GOLM1: variants seen among roughly 807,000 people sequenced by gnomAD.
The protein encoded by GOLM1 is epididymis luminal protein 46.
Under a neutral mutation model 50.5 loss-of-function variants are expected in GOLM1, and 31 were observed. The ratio of observed to expected loss-of-function variants is 0.61; its 90% CI spans 0.46 to 0.83. The LOEUF is 0.83. Ranked by LOEUF, GOLM1 falls within the 40% of genes least tolerant of loss-of-function variation. The pLI is 0.00. For missense variants in GOLM1, 491 were observed against 501.3 expected, an observed-to-expected ratio of 0.98 and a Z score of 0.20; for synonymous variants, 178 against 192.8, an observed-to-expected ratio of 0.92 and a Z score of 0.64.
chr9:86,096,603 T>C (rs1329167659), intron 1 of GOLM1, among the ~76,000 whole-genome samples: 2 of 152,246 alleles, frequency 1.3e-5, no homozygotes, highest in African/African-American at 4.8e-5. Flanking sequence ...AGCTCTATAC[T>C]GAGTCAGCCT....
At chr9:86,054,050 A>G (rs1302756008) in intron 3 of GOLM1, among the ~76,000 whole-genome samples, 1 of 152,124 alleles carries the variant, frequency 6.6e-6, no homozygotes, top group Non-Finnish European at 1.5e-5. Context: ...CAGAGTCTAT[A>G]AGCTTAGGAA....
chr9:86,094,297 T>C (rs1409236655), intron 1 of GOLM1, among the ~76,000 whole-genome samples: 1 of 152,176 alleles, frequency 6.6e-6, no homozygotes, highest in African/African-American at 2.4e-5. Context: ...TAGGGTATTG[T>C]GAGGATTAAA....
chr9:86,036,668 T>C (rs1012941512), intron 6 of GOLM1, 161 bp from the exon 7 acceptor site: 12 of 672,898 alleles, frequency 1.8e-5, no homozygotes, highest in Middle Eastern at 4.1e-4. Context: ...GCCCTGGTCA[T>C]GTGGCGTAAA....
intron 9 of GOLM1, among the ~76,000 whole-genome samples, chr9:86,029,769 A>G (rs923260821): frequency 1.3e-5 from 2 of 152,226 alleles, no homozygotes; most frequent in African/African-American, 4.8e-5. Flanking sequence ...AAGAGCTGAC[A>G]AGGCACTCAT....
intron 1 of GOLM1, among the ~76,000 whole-genome samples, chr9:86,081,786 G>A (rs1834791601): frequency 6.6e-6 from 1 of 151,448 alleles, no homozygotes; most frequent in Non-Finnish European, 1.5e-5. Context: ...CTACTCAAGA[G>A]GCTGAGACAG....
intron 8 of GOLM1, chr9:86,035,058 G>A: frequency 1.0e-6 from 1 of 985,272 alleles, no homozygotes; most frequent in Non-Finnish European, 1.2e-6. Flanking sequence ...TGGGGCATGT[G>A]GCCTGCCTGC....
chr9:86,028,587 G>T (rs775667017), intron 9 of GOLM1, among the ~76,000 whole-genome samples: 1 of 152,198 alleles, frequency 6.6e-6, no homozygotes, highest in Non-Finnish European at 1.5e-5. Flanking sequence ...CTGTCCTTGC[G>T]ATAAGGCAGA....
At chr9:86,071,597 G>A (rs1834449211) in intron 3 of GOLM1, among the ~76,000 whole-genome samples, 1 of 151,914 alleles carries the variant, frequency 6.6e-6, no homozygotes, top group Non-Finnish European at 1.5e-5. Context: ...ACGCTGTGAG[G>A]TGGAGGTGGA....
chr9:86,044,350 T>A (rs1197190803), intron 5 of GOLM1, among the ~76,000 whole-genome samples: 1 of 152,206 alleles, frequency 6.6e-6, no homozygotes, highest in Non-Finnish European at 1.5e-5. Context: ...ATGTTTTCAG[T>A]TGTATGTGGT....
intron 9 of GOLM1, among the ~76,000 whole-genome samples, chr9:86,031,044 TA>T (rs763824597): frequency 3.3e-5 from 5 of 152,024 alleles, no homozygotes; most frequent in Non-Finnish European, 5.9e-5. Flanking sequence ...ACCCCGTCTC[TA>T]ATAAAAATAC....
chr9:86,045,730 T>TA (rs143903367), intron 5 of GOLM1, among the ~76,000 whole-genome samples: 1 of 151,372 alleles, frequency 6.6e-6, no homozygotes, highest in Non-Finnish European at 1.5e-5. Context: ...ATAACGCAAG[T>TA]AAAAAAATGA....
intron 4 of GOLM1, among the ~76,000 whole-genome samples, chr9:86,047,462 C>A (rs1564344927): frequency 1.3e-5 from 2 of 152,162 alleles, no homozygotes; most frequent in Non-Finnish European, 2.9e-5. Flanking sequence ...CAAAAGCACA[C>A]ACGTGACACC....
chr9:86,066,268 A>G (rs1432937122), intron 3 of GOLM1, among the ~76,000 whole-genome samples: 1 of 152,166 alleles, frequency 6.6e-6, no homozygotes, highest in Non-Finnish European at 1.5e-5. Context: ...AGCACTGTAA[A>G]CACCTCAGAG....
At chr9:86,086,491 CT>C (rs1834967292) in intron 1 of GOLM1, among the ~76,000 whole-genome samples, 1 of 152,060 alleles carries the variant, frequency 6.6e-6, no homozygotes, top group African/African-American at 2.4e-5. Context: ...TCTATTTTGG[CT>C]TTTGTTGCCA....
chr9:86,034,961 TATTC>T, intron 8 of GOLM1: 8 of 961,030 alleles, frequency 8.3e-6, no homozygotes, highest in Non-Finnish European at 9.9e-6. Flanking sequence ...ATCTACCCAA[TATTC>T]CTTCCTTCCT....
upstream of GOLM1, among the ~76,000 whole-genome samples, chr9:86,099,710 C>T (rs1286625608): frequency 6.6e-6 from 1 of 151,574 alleles, no homozygotes; most frequent in Non-Finnish European, 1.5e-5. Flanking sequence ...GGTGGCCGCC[C>T]CTCGGCGGGA....
intron 1 of GOLM1, among the ~76,000 whole-genome samples, chr9:86,082,025 CTTTTTTT>C (rs35208119): frequency 3.5e-5 from 3 of 84,516 alleles, no homozygotes; most frequent in African/African-American, 4.8e-5. Flanking sequence ...ACCTGGGACA[CTTTTTTT>C]TTTTTTTTTT....
chr9:86,080,620 C>CT (rs367744707), intron 1 of GOLM1, among the ~76,000 whole-genome samples: 11 of 152,240 alleles, frequency 7.2e-5, no homozygotes, highest in African/African-American at 2.4e-4. Context: ...CAAAAGGCTT[C>CT]TTTTTTCTTA....
intron 5 of GOLM1, among the ~76,000 whole-genome samples, chr9:86,045,052 GTCTA>G (rs1477716476): frequency 2.0e-5 from 3 of 152,138 alleles, no homozygotes; most frequent in Non-Finnish European, 2.9e-5. Context: ...ATCATCGCAT[GTCTA>G]TCTAATTTTA....
Sources: allele counts gnomAD v4.1 joint callset (sites outside exome capture counted in the v4.1 genomes callset), GRCh38; gene constraint gnomAD v4.1.1; transcripts MANE v1.5; gene names NCBI Gene and HGNC (gene_info 2026-07-23, HGNC 2026-07-21).